Variants in USP50 observed in about 807,000 individuals in gnomAD.
USP50 encodes the protein ubiquitin specific peptidase 50, also known as ubiquitin carboxyl-terminal hydrolase 50.
USP50 carries 37 observed loss-of-function variants against 39.2 expected under a neutral mutation model. That is an observed-to-expected ratio of 0.94 (90% confidence interval 0.73 to 1.24). The LOEUF (loss-of-function observed/expected upper bound fraction) is 1.24. Ranked by LOEUF, USP50 falls within the 50% of genes most tolerant of loss-of-function variation. The pLI, the probability that USP50 is intolerant of heterozygous loss-of-function variation, is 0.00. For missense variants in USP50, 374 were observed against 398.2 expected (o/e 0.94, Z 0.52); for synonymous variants, 139 against 144.5 (o/e 0.96, Z 0.27).
chr15:50,538,997 A>G (rs1042164342), intron 4 of USP50, 146 bp from the exon 5 acceptor site: 14 of 820,404 alleles, frequency 1.7e-5, no homozygotes, highest in Non-Finnish European at 2.3e-5. Context: ...CAACAGTCTC[A>G]CTAGCTGCAG....
intron 6 of USP50, among the ~76,000 whole-genome samples, chr15:50,525,558 A>ATATG (rs2052883823): frequency 1.9e-5 from 2 of 107,282 alleles, no homozygotes; most frequent in African/African-American, 3.3e-5. Context: ...ATATATGTGT[A>ATATG]TATATGTATA....
At chr15:50,519,200 T>A (rs146951466) in intron 6 of USP50, among the ~76,000 whole-genome samples, 2,139 of 151,954 alleles carry the variant, frequency 0.014, 39 homozygotes, top group Non-Finnish European at 0.017. Flanking sequence ...GGTGGGAGAA[T>A]CCCTTGAACC....
rs193266605 is a variant in USP50 at position 50,523,215 on chromosome 15, G to A, written c.936+6582C>T. ...TTTTGGTGAGACAGGGTCTTGCTCT[G>A]TCACCCAGGCTGGAGTGCAGTGGCA... On this transcript the variant is annotated intron_variant, in intron 6 of 6. Coordinates refer to ENST00000532404, the MANE Select transcript of USP50 (RefSeq NM_203494.5). Among the ~76,000 whole-genome samples, 9 of 129,422 alleles carry A rather than the reference G, an allele frequency of 7.0e-5. No individual in the cohort carries two copies. In the East Asian group the frequency reaches 2.1e-3, roughly 31 times the overall value. 84.9% of individuals were successfully genotyped at this position (129,422 alleles called of 152,430 possible). A position where few individuals can be genotyped will look rare whatever the true frequency, so the allele number is the denominator to read the frequency against.
chr15:50,521,763 G>C (rs1002365354), intron 6 of USP50, among the ~76,000 whole-genome samples: 2 of 152,036 alleles, frequency 1.3e-5, no homozygotes, highest in South Asian at 4.1e-4. Context: ...AGGAGTTCAA[G>C]ACCAGCCTGG....
intron 1 of USP50, chr15:50,494,318 T>C (rs2052290399): frequency 2.6e-6 from 4 of 1,552,838 alleles, no homozygotes; most frequent in South Asian, 2.5e-5. Context: ...AGAGACTCTT[T>C]AGGGTTGCTC....
In USP50 at chr15:50,541,220, C is replaced by T; in HGVS notation, c.489G>A (p.Gln163=). ...RRRSYEKGST[Q]RCCRKWITTE... is the part of the protein sequence containing the mutation. ...TGGTAATCCACTTCCTGCAGCATCT[C>T]TGAGTAGATCCTTTCTCATATGATC... Residue 163 remains glutamine (Q), a synonymous_variant, in exon 4 of 7, where the codon CAG becomes CAA. Coordinates refer to ENST00000532404, the MANE Select transcript of USP50 (RefSeq NM_203494.5). 6.2e-7 allele frequency: 1 copy of T among 1,613,952 alleles called. No homozygotes were observed. Among genetic ancestry groups the T allele is most frequent in the Non-Finnish European group, 8.5e-7 (1 of 1,179,898 alleles).
chr15:50,493,225 A>G (rs1312384607), downstream of USP50: 6 of 506,248 alleles, frequency 1.2e-5, no homozygotes, highest in Non-Finnish European at 3.8e-6. Context: ...TGGCCTTATC[A>G]CCTCTTTAAA....
intron 6 of USP50, among the ~76,000 whole-genome samples, chr15:50,525,453 C>A (rs2052880618): frequency 6.9e-6 from 1 of 145,734 alleles, no homozygotes; most frequent in African/African-American, 2.6e-5. Flanking sequence ...TTGATTTAAT[C>A]ATTCCACATT....
At chr15:50,496,889 G>C, downstream of USP50, 1 of 566,208 alleles carries the variant, frequency 1.8e-6, no homozygotes, top group Admixed American at 3.8e-5. Flanking sequence ...ACTGTAGGTA[G>C]CACTCACCAC....
At chr15:50,510,826 G>C (rs2052726798) in intron 6 of USP50, 1 of 152,002 alleles carries the variant, frequency 6.6e-6, no homozygotes, top group African/African-American at 2.4e-5. Context: ...TCCCAGGCTG[G>C]AGTGCAGTGG....
downstream of USP50, chr15:50,497,034 G>T: frequency 6.4e-7 from 1 of 1,551,736 alleles, no homozygotes; most frequent in South Asian, 1.2e-5. Flanking sequence ...GGTGCTCTCT[G>T]ACATTATTGA....
intron 5 of USP50, among the ~76,000 whole-genome samples, chr15:50,535,729 C>A (rs2052974483): frequency 6.6e-6 from 1 of 152,126 alleles, no homozygotes; most frequent in African/African-American, 2.4e-5. Flanking sequence ...GCCTAGGCAA[C>A]ATAGTGAGAC....
At chr15:50,508,101 T>C (rs1470078200) in intron 6 of USP50, 2 of 147,806 alleles carry the variant, frequency 1.4e-5, no homozygotes, top group African/African-American at 5.0e-5. Context: ...AAAAGATTAG[T>C]TTAATTTAGA....
intron 6 of USP50, chr15:50,511,690 T>C (rs1024255097): frequency 6.6e-6 from 1 of 152,260 alleles, no homozygotes; most frequent in African/African-American, 2.4e-5. Flanking sequence ...ATTCTATGAT[T>C]CTGTTTATTA....
At position 50,494,848 on chromosome 15, in the gene USP50, C is replaced by G. The variant is rs572990367; in HGVS notation, n.185-718G>C. ...TGGCCAACATGGCAAAACCTCGTCT[C>G]TACTAAAAATACAAAAATTGGCTGG... On this transcript the variant is annotated intron_variant and non_coding_transcript_variant, in intron 1 of 1. Transcript: ENST00000560159. Among the ~76,000 whole-genome samples, 143 of 152,194 alleles carry G rather than the reference C, an allele frequency of 9.4e-4. No homozygotes were observed. The Middle Eastern group carries it at 0.01, about 11-fold the overall frequency.
chr15:50,539,979 A>G (rs679774), intron 4 of USP50, among the ~76,000 whole-genome samples: 83,018 of 152,018 alleles, frequency 0.55, 22,823 homozygotes, highest in Admixed American at 0.62. Flanking sequence ...TTAGAGTGTC[A>G]GGAATTTCTT....
intron 6 of USP50, chr15:50,501,393 G>A (rs111228209): frequency 0.034 from 5,153 of 151,898 alleles, 288 homozygotes; most frequent in African/African-American, 0.12. Flanking sequence ...AGGATCTCTC[G>A]AGCCTGAGAG....
At chr15:50,540,826 G>A (rs1254969685) in intron 4 of USP50, among the ~76,000 whole-genome samples, 1 of 152,118 alleles carries the variant, frequency 6.6e-6, no homozygotes, top group Non-Finnish European at 1.5e-5. Context: ...GTTTCACCAT[G>A]TTGGCCAGGC....
intron 6 of USP50, among the ~76,000 whole-genome samples, chr15:50,521,368 A>G (rs1036438445): frequency 1.3e-5 from 2 of 152,144 alleles, no homozygotes; most frequent in Admixed American, 6.6e-5. Flanking sequence ...ATCAGTACAT[A>G]TTGTATACAT....
Sources: allele counts gnomAD v4.1 joint callset (sites outside exome capture counted in the v4.1 genomes callset), GRCh38; gene constraint gnomAD v4.1.1; transcripts MANE v1.5; gene names NCBI Gene and HGNC (gene_info 2026-07-23, HGNC 2026-07-21).